Variants in PLPP4 observed in about 807,000 individuals in gnomAD.
PLPP4 encodes the protein phospholipid phosphatase 4.
In PLPP4, 20 loss-of-function variants were observed where a neutral mutation model predicts 32.2. The ratio of observed to expected loss-of-function variants is 0.62; its 90% CI spans 0.44 to 0.90. The LOEUF is 0.90. Ranked by LOEUF, PLPP4 falls within the 40% of genes least tolerant of loss-of-function variation. The pLI, the probability that PLPP4 is intolerant of heterozygous loss-of-function variation, is 0.00. For synonymous variants in PLPP4, 127 were observed against 133.0 expected (o/e 0.95, Z 0.31); for missense variants, 257 against 353.1 (o/e 0.73, Z 2.18).
intron 5 of PLPP4, among the ~76,000 whole-genome samples, chr10:120,567,132 T>C (rs1761915399): frequency 6.6e-6 from 1 of 152,232 alleles, no homozygotes; most frequent in Non-Finnish European, 1.5e-5. Context: ...GTTTAAAAGA[T>C]TGTTTTAATA....
intron 5 of PLPP4, among the ~76,000 whole-genome samples, chr10:120,531,907 T>C (rs1345752727): frequency 6.6e-6 from 1 of 151,852 alleles, no homozygotes; most frequent in Non-Finnish European, 1.5e-5. Flanking sequence ...TATATATATA[T>C]ATACACACAT....
At chr10:120,518,779 TTTTGA>T (rs1846034655) in intron 3 of PLPP4, 49 bp from the exon 4 acceptor site, 1 of 1,412,822 alleles carries the variant, frequency 7.1e-7, no homozygotes, top group Non-Finnish European at 1.0e-6. Context: ...ATGATGATGA[TTTTGA>T]TTTAAGAGCC....
intron 2 of PLPP4, among the ~76,000 whole-genome samples, chr10:120,504,659 A>G (rs192816780): frequency 6.6e-6 from 1 of 152,318 alleles, no homozygotes; most frequent in Admixed American, 6.5e-5. Flanking sequence ...TACTTTCTAC[A>G]AGTCATTGCC....
Position 120,575,245 on chromosome 10 carries a change from A to G in PLPP4, c.560A>G (p.Tyr187Cys). 2 of 1,613,886 alleles carry G rather than the reference A, an allele frequency of 1.2e-6. No homozygotes were observed. The highest frequency in any genetic ancestry group is 1.7e-6 in the Non-Finnish European group (2 of 1,179,994). Residue 187 changes from tyrosine to cysteine, a missense_variant, in exon 6 of 7, where the codon TAC becomes TGC. Physicochemically the swap from Tyr to Cys is radical, Grantham distance 194 (BLOSUM62 -2). Transcript: ENST00000398250. The part of the protein sequence containing the change: ...WRLCAAILPL[Y>C]CAMMIALSRM... The stretch of plus-strand genomic sequence containing the variant: ...CTCTGTGCTGCCATCCTGCCCTTGT[A>G]CTGCGCCATGATGATTGCCCTGTCC...
At chr10:120,568,660 C>T (rs1848795758) in intron 5 of PLPP4, among the ~76,000 whole-genome samples, 1 of 152,210 alleles carries the variant, frequency 6.6e-6, no homozygotes, top group Non-Finnish European at 1.5e-5. Context: ...CTCATATCAG[C>T]TCCTCTAATG....
At chr10:120,522,085 T>C (rs1846179395) in intron 5 of PLPP4, among the ~76,000 whole-genome samples, 1 of 152,164 alleles carries the variant, frequency 6.6e-6, no homozygotes, top group Non-Finnish European at 1.5e-5. Context: ...CCTGGGATAA[T>C]TGGAGAACTA....
intron 6 of PLPP4, among the ~76,000 whole-genome samples, chr10:120,578,940 A>G (rs1447019933): frequency 6.6e-6 from 1 of 152,240 alleles, no homozygotes; most frequent in African/African-American, 2.4e-5. Flanking sequence ...CAATGTGTTT[A>G]GCAGCGCTCA....
At chr10:120,528,082 T>G (rs1279666522) in intron 5 of PLPP4, among the ~76,000 whole-genome samples, 6 of 143,156 alleles carry the variant, frequency 4.2e-5, no homozygotes, top group African/African-American at 1.3e-4. Context: ...TTTTTTTTTT[T>G]TTTTTTTTTT....
At chr10:120,462,699 C>G in intron 1 of PLPP4, among the ~76,000 whole-genome samples, 1 of 152,278 alleles carries the variant, frequency 6.6e-6, no homozygotes, top group East Asian at 1.9e-4. Flanking sequence ...CAGGATTACA[C>G]GGGGCCCAGG....
chr10:120,580,642 TAC>T (rs59076083), intron 6 of PLPP4, among the ~76,000 whole-genome samples: 105 of 95,738 alleles, frequency 1.1e-3, no homozygotes, highest in South Asian at 2.2e-3. Flanking sequence ...CTCTGTCTCT[TAC>T]ACACACACAC....
chr10:120,584,266 A>G (rs1849651529), intron 6 of PLPP4, among the ~76,000 whole-genome samples: 1 of 152,192 alleles, frequency 6.6e-6, no homozygotes, highest in African/African-American at 2.4e-5. Flanking sequence ...CTGCTCCAGA[A>G]TAGCCCAGAT....
intron 1 of PLPP4, among the ~76,000 whole-genome samples, chr10:120,497,199 G>A (rs1845009625): frequency 6.6e-6 from 1 of 152,118 alleles, no homozygotes; most frequent in Non-Finnish European, 1.5e-5. Flanking sequence ...AGAGCCACTG[G>A]CAGCCACGGT....
At chr10:120,471,198 G>C (rs898561462) in intron 1 of PLPP4, among the ~76,000 whole-genome samples, 1 of 152,028 alleles carries the variant, frequency 6.6e-6, no homozygotes, top group Non-Finnish European at 1.5e-5. Flanking sequence ...TAATTTGAAG[G>C]TATGCTATCT....
chr10:120,532,941 T>C, intron 5 of PLPP4, among the ~76,000 whole-genome samples: 1 of 152,186 alleles, frequency 6.6e-6, no homozygotes, highest in Non-Finnish European at 1.5e-5. Context: ...GCCATAAAAA[T>C]AGTATACAAG....
At chr10:120,501,549 T>C (rs1845250229) in intron 1 of PLPP4, among the ~76,000 whole-genome samples, 2 of 152,204 alleles carry the variant, frequency 1.3e-5, no homozygotes, top group African/African-American at 4.8e-5. Context: ...CAGAAAATGT[T>C]AAATGACTCA....
intron 1 of PLPP4, among the ~76,000 whole-genome samples, chr10:120,501,095 A>G (rs1212839671): frequency 6.6e-6 from 1 of 152,222 alleles, no homozygotes; most frequent in Non-Finnish European, 1.5e-5. Flanking sequence ...GTGGACAGCC[A>G]TTGACTGTGC....
intron 6 of PLPP4, among the ~76,000 whole-genome samples, chr10:120,578,358 C>A (rs921909146): frequency 1.3e-5 from 2 of 152,230 alleles, no homozygotes; most frequent in Non-Finnish European, 2.9e-5. Flanking sequence ...GTGAACTGAG[C>A]TGCCCAGTGA....
At chr10:120,466,503 T>G (rs1310954826) in intron 1 of PLPP4, among the ~76,000 whole-genome samples, 1 of 152,296 alleles carries the variant, frequency 6.6e-6, no homozygotes, top group African/African-American at 2.4e-5. Context: ...GAGCACACGC[T>G]TTACGGCTCC....
intron 3 of PLPP4, among the ~76,000 whole-genome samples, chr10:120,514,242 C>T (rs1480889387): frequency 6.6e-6 from 1 of 152,214 alleles, no homozygotes; most frequent in Non-Finnish European, 1.5e-5. Context: ...TCGTAACACC[C>T]TGTACACACC....
Sources: gnomAD v4.1 joint callset for allele counts (sites outside exome capture counted in the v4.1 genomes callset) on GRCh38, gnomAD v4.1.1 for gene constraint, MANE v1.5 for transcripts, NCBI Gene and HGNC (gene_info 2026-07-23, HGNC 2026-07-21) for gene names.